Variants in INPP4B observed in about 807,000 individuals in gnomAD.
The protein encoded by INPP4B is inositol polyphosphate 4-phosphatase type II.
Under a neutral mutation model 122.5 loss-of-function variants are expected in INPP4B, and 55 were observed. The ratio of observed to expected loss-of-function variants is 0.45; its 90% CI spans 0.36 to 0.56. The LOEUF (loss-of-function observed/expected upper bound fraction) is 0.56. Among genes scored for constraint, INPP4B ranks in the 20% least tolerant of loss-of-function variants. INPP4B has a pLI of 0.00. For synonymous variants in INPP4B, 403 were observed against 388.7 expected (o/e 1.04, Z -0.43); for missense variants, 1,000 against 1,097.7 (o/e 0.91, Z 1.26).
At chr4:142,705,458 A>ACACACAC (rs1762355101) in intron 2 of INPP4B, among the ~76,000 whole-genome samples, 3 of 146,206 alleles carry the variant, frequency 2.1e-5, no homozygotes, top group African/African-American at 7.7e-5. Flanking sequence ...TCCCACCCCA[A>ACACACAC]ACACACACAC....
At chr4:142,372,589 T>C (rs2148721211) in intron 7 of INPP4B, among the ~76,000 whole-genome samples, 1 of 152,134 alleles carries the variant, frequency 6.6e-6, no homozygotes, top group Middle Eastern at 3.4e-3. Flanking sequence ...GGTTCTACAA[T>C]GGAAAAGACA....
At chr4:142,814,822 G>A (rs897702520) in intron 1 of INPP4B, among the ~76,000 whole-genome samples, 1 of 152,112 alleles carries the variant, frequency 6.6e-6, no homozygotes, top group African/African-American at 2.4e-5. Flanking sequence ...GATAATATGT[G>A]CAGACACTCT....
intron 2 of INPP4B, among the ~76,000 whole-genome samples, chr4:142,696,520 A>C (rs1374966100): frequency 6.6e-6 from 1 of 152,134 alleles, no homozygotes; most frequent in Non-Finnish European, 1.5e-5. Context: ...CAGCCCTGAC[A>C]TCTGTCTCCT....
At chr4:142,246,987 T>C (rs1388245521) in intron 11 of INPP4B, among the ~76,000 whole-genome samples, 1 of 152,174 alleles carries the variant, frequency 6.6e-6, no homozygotes, top group Non-Finnish European at 1.5e-5. Context: ...ACCTACTTTA[T>C]TGAGAGTTTT....
chr4:142,052,531 GA>G (rs1262331217), intron 25 of INPP4B, among the ~76,000 whole-genome samples: 1 of 151,976 alleles, frequency 6.6e-6, no homozygotes, highest in Non-Finnish European at 1.5e-5. Flanking sequence ...ATTTCCAACA[GA>G]CAAGACATGT....
At chr4:142,405,414 C>G in intron 5 of INPP4B, 90 bp from the exon 6 acceptor site, 1 of 775,122 alleles carries the variant, frequency 1.3e-6, no homozygotes, top group Non-Finnish European at 2.2e-6. Flanking sequence ...AACTTAGCTA[C>G]AGCACTGAAG....
intron 2 of INPP4B, among the ~76,000 whole-genome samples, chr4:142,658,865 C>T (rs776613624): frequency 3.3e-5 from 5 of 152,070 alleles, no homozygotes; most frequent in East Asian, 3.9e-4. Flanking sequence ...CCAAGTTTAT[C>T]GACCTTAAGA....
chr4:142,492,387 A>C (rs1033533497), intron 2 of INPP4B, among the ~76,000 whole-genome samples: 2 of 152,178 alleles, frequency 1.3e-5, no homozygotes, highest in Admixed American at 1.3e-4. Flanking sequence ...TGCAGGGCTC[A>C]GAAGAAGATA....
chr4:142,258,714 G>T (rs1265938760), intron 11 of INPP4B, among the ~76,000 whole-genome samples: 1 of 152,198 alleles, frequency 6.6e-6, no homozygotes, highest in African/African-American at 2.4e-5. Flanking sequence ...ACAGGTGTTG[G>T]AGAGGACGTG....
intron 2 of INPP4B, among the ~76,000 whole-genome samples, chr4:142,618,632 C>T (rs548970221): frequency 6.6e-6 from 1 of 152,082 alleles, no homozygotes; most frequent in East Asian, 1.9e-4. Context: ...CTATGTAATA[C>T]TCATAAAAAA....
chr4:142,041,480 T>C (rs1013387912), intron 25 of INPP4B, among the ~76,000 whole-genome samples: 2 of 151,960 alleles, frequency 1.3e-5, no homozygotes, highest in Non-Finnish European at 2.9e-5. Flanking sequence ...TAGCTGGGCT[T>C]GGTGGCGGGC....
chr4:142,390,656 A>C (rs769513870), intron 7 of INPP4B, among the ~76,000 whole-genome samples: 111 of 152,214 alleles, frequency 7.3e-4, no homozygotes, highest in Non-Finnish European at 1.0e-3. Context: ...GTTCTATTTT[A>C]GTGTATGTTA....
chr4:142,129,531 T>A (rs772266259), intron 18 of INPP4B, among the ~76,000 whole-genome samples: 7 of 152,146 alleles, frequency 4.6e-5, no homozygotes, highest in Non-Finnish European at 1.0e-4. Flanking sequence ...CCAACTTTGG[T>A]CATAGACCCT....
intron 7 of INPP4B, among the ~76,000 whole-genome samples, chr4:142,399,003 C>A (rs995395457): frequency 6.6e-6 from 1 of 151,910 alleles, no homozygotes; most frequent in Non-Finnish European, 1.5e-5. Context: ...CAAATTTCTA[C>A]CATGGGCAAA....
chr4:142,517,563 T>A (rs925257851), intron 2 of INPP4B, among the ~76,000 whole-genome samples: 21 of 152,108 alleles, frequency 1.4e-4, no homozygotes, highest in African/African-American at 5.1e-4. Flanking sequence ...TAGCCATTCA[T>A]CAGAAACAGT....
intron 1 of INPP4B, among the ~76,000 whole-genome samples, chr4:142,814,519 C>T (rs1779889908): frequency 6.6e-6 from 1 of 152,058 alleles, no homozygotes; most frequent in Non-Finnish European, 1.5e-5. Context: ...CATGTAATCT[C>T]TCTGTTTTTC....
intron 1 of INPP4B, among the ~76,000 whole-genome samples, chr4:142,775,311 G>A (rs1773687760): frequency 6.6e-6 from 1 of 151,002 alleles, no homozygotes; most frequent in Non-Finnish European, 1.5e-5. Context: ...GTTAAAGAAT[G>A]GATAGTTATG....
At position 142,592,828 on chromosome 4, in the gene INPP4B, C is replaced by T. The variant is rs148769934; in HGVS notation, c.-190-130102G>A. Among the ~76,000 whole-genome samples the T allele has an allele frequency of 3.6e-3, 555 of 152,182 alleles. 7 individuals carry two copies. Among genetic ancestry groups the T allele is most frequent in the East Asian group, 0.018 (95 of 5,168 alleles). ...ATCAAAGACCGTCATAGGCTGGGTG[C>T]GATGGCTCATGCCTGTAATCCCAGC... On this transcript the variant is annotated intron_variant, in intron 2 of 25. Coordinates refer to ENST00000262992, the MANE Select transcript of INPP4B (RefSeq NM_001101669.3).
At chr4:142,049,404 G>A (rs1560939202) in intron 25 of INPP4B, among the ~76,000 whole-genome samples, 1 of 151,974 alleles carries the variant, frequency 6.6e-6, no homozygotes, top group Non-Finnish European at 1.5e-5. Flanking sequence ...ATATCTACAA[G>A]AAACATAATA....
Sources: gnomAD v4.1 joint callset for allele counts (sites outside exome capture counted in the v4.1 genomes callset) on GRCh38, gnomAD v4.1.1 for gene constraint, MANE v1.5 for transcripts, NCBI Gene and HGNC (gene_info 2026-07-23, HGNC 2026-07-21) for gene names.